The following WAPL variants were observed in gnomAD, a reference collection of about 807,000 sequenced individuals.
WAPL encodes wings apart-like protein homolog.
WAPL carries 5 observed loss-of-function variants against 121.0 expected under a neutral mutation model. That is an observed-to-expected ratio of 0.04 (90% CI 0.02 to 0.09). WAPL has a LOEUF of 0.09. Among genes scored for constraint, WAPL ranks in the 10% least tolerant of loss-of-function variants. WAPL has a pLI of 1.00. For synonymous variants in WAPL, 480 were observed against 481.5 expected (o/e 1.00, Z 0.04); for missense variants, 999 against 1,410.8 (o/e 0.71, Z 4.68).
intron 4 of WAPL, among the ~76,000 whole-genome samples, chr10:86,490,057 T>C (rs1190044768): frequency 6.6e-6 from 1 of 151,776 alleles, no homozygotes; most frequent in African/African-American, 2.4e-5. Context: ...CTACTAGAAA[T>C]ACAAAAATTA....
intron 2 of WAPL, among the ~76,000 whole-genome samples, chr10:86,510,151 T>C (rs1441589845): frequency 1.4e-5 from 2 of 141,060 alleles, no homozygotes; most frequent in African/African-American, 2.6e-5. Flanking sequence ...CTTGACTCAC[T>C]GCAACCTCTG....
At chr10:86,483,976 C>G (rs959476287) in intron 4 of WAPL, among the ~76,000 whole-genome samples, 2 of 151,220 alleles carry the variant, frequency 1.3e-5, no homozygotes, top group Non-Finnish European at 2.9e-5. Flanking sequence ...GCCTCAACTT[C>G]CCCAAGTGCC....
At chr10:86,470,199 AT>A (rs1457603403) in intron 8 of WAPL, among the ~76,000 whole-genome samples, 12 of 152,004 alleles carry the variant, frequency 7.9e-5, no homozygotes, top group Admixed American at 6.6e-4. Context: ...CACCCAGCTA[AT>A]TTTTTGTATT....
intron 8 of WAPL, among the ~76,000 whole-genome samples, chr10:86,467,963 C>A (rs1421038336): frequency 6.6e-6 from 1 of 152,054 alleles, no homozygotes; most frequent in African/African-American, 2.4e-5. Flanking sequence ...CAGGTGTGAG[C>A]CACCACGCCC....
At chr10:86,520,162 GC>G (rs1476855601) in intron 1 of WAPL, among the ~76,000 whole-genome samples, 2 of 152,112 alleles carry the variant, frequency 1.3e-5, no homozygotes, top group African/African-American at 4.8e-5. Context: ...GGGCGTGGTG[GC>G]GCATGCCTGT....
At chr10:86,441,202 GCCCAACCCCC>G (rs1355673535) in intron 17 of WAPL, among the ~76,000 whole-genome samples, 1 of 152,160 alleles carries the variant, frequency 6.6e-6, no homozygotes, top group East Asian at 1.9e-4. Context: ...ATCCACCTAT[GCCCAACCCCC>G]CATCTGAAAG....
Position 86,517,727 on chromosome 10 carries a change from C to T in WAPL, c.343G>A (p.Ala115Thr). ...ACCACATGACTAATTTTGCTATTAG[C>T]TTCAAGTACTGAAGTGACCTCTTCC... ...QLEEVTSVLE[A>T]NSKISHVVVE... Residue 115 changes from alanine (A) to threonine (T), a missense_variant, in exon 2 of 19, where the codon GCT becomes ACT. By Grantham distance (58) the Ala-to-Thr change is moderately conservative (BLOSUM62 0). Transcript: ENST00000298767. 2.5e-6 allele frequency: 4 copies of T among 1,614,156 alleles called. No individual in the cohort carries two copies. The highest frequency in any genetic ancestry group is 2.7e-5 in the African/African-American group (2 of 75,052).
At position 86,472,864 on chromosome 10, in the gene WAPL, A is replaced by C; in HGVS notation, c.1741-100T>G. 5.5e-6 allele frequency: 7 copies of C among 1,284,268 alleles called. No individual in the cohort carries two copies. The highest frequency in any genetic ancestry group is 7.3e-6 in the Non-Finnish European group (7 of 962,496). 79.6% of individuals were successfully genotyped at this position (1,284,268 alleles called of 1,614,324 possible). A position where few individuals can be genotyped will look rare whatever the true frequency, so the allele number is the denominator to read the frequency against. ...TTCAGCTTCAAAAAAAAGTAAATAA[A>C]GCTTTTTAAAAAGCAGGGAGCAGGG... On this transcript the variant is annotated intron_variant, in intron 5 of 18. Transcript: ENST00000298767. This position sits in a 1 kb window ranked among gnomAD's most constrained non-coding sequence, Gnocchi z 4.2.
intron 2 of WAPL, among the ~76,000 whole-genome samples, chr10:86,501,894 G>A (rs901424272): frequency 3.3e-5 from 5 of 152,244 alleles, no homozygotes; most frequent in South Asian, 4.1e-4. Context: ...GTCACACTAC[G>A]GTGCCTAGGC....
intron 4 of WAPL, among the ~76,000 whole-genome samples, chr10:86,491,413 A>AC (rs1245606296): frequency 1.3e-5 from 2 of 152,086 alleles, no homozygotes; most frequent in African/African-American, 2.4e-5. Context: ...TGCTAGGATT[A>AC]CAGGCGTGAG....
In WAPL at chr10:86,518,097, A is replaced by C; in HGVS notation, c.-22-6T>G. The C allele has an allele frequency of 6.3e-7, 1 of 1,590,418 alleles. No individual in the cohort carries two copies. The highest frequency in any genetic ancestry group is 8.6e-7 in the Non-Finnish European group (1 of 1,169,336). On this transcript the variant is annotated splice_region_variant and splice_polypyrimidine_tract_variant and intron_variant, in intron 1 of 18. Transcript: ENST00000298767. ...TGACACCAGTTTCATATTCTCTGTGAAAAAAAATTTAAGAAAACATATAAT... is the reference window on the plus strand; with the variant it reads ...TGACACCAGTTTCATATTCTCTGTGCAAAAAAATTTAAGAAAACATATAAT...
At chr10:86,506,081 A>C (rs1842343491) in intron 2 of WAPL, among the ~76,000 whole-genome samples, 1 of 152,170 alleles carries the variant, frequency 6.6e-6, no homozygotes, top group African/African-American at 2.4e-5. Flanking sequence ...TAAAATCAAA[A>C]AAAATTAGCT....
intron 17 of WAPL, among the ~76,000 whole-genome samples, chr10:86,440,141 G>C (rs1243260453): frequency 6.6e-6 from 1 of 152,064 alleles, no homozygotes; most frequent in East Asian, 1.9e-4. Flanking sequence ...GAATTAGCAT[G>C]GGAAAGATGG....
At chr10:86,508,838 T>A (rs974139648) in intron 2 of WAPL, among the ~76,000 whole-genome samples, 15 of 141,446 alleles carry the variant, frequency 1.1e-4, no homozygotes, top group African/African-American at 3.7e-4. Flanking sequence ...CACTGCAAGC[T>A]CCGCCTCCAG....
At chr10:86,482,830 G>A (rs1328115027) in intron 4 of WAPL, among the ~76,000 whole-genome samples, 1 of 152,168 alleles carries the variant, frequency 6.6e-6, no homozygotes, top group African/African-American at 2.4e-5. Flanking sequence ...CTGGCAGGTA[G>A]GGGAAATGGG....
intron 1 of WAPL, among the ~76,000 whole-genome samples, chr10:86,519,839 T>C (rs79858255): frequency 0.069 from 10,446 of 152,304 alleles, 663 homozygotes; most frequent in East Asian, 0.37. Flanking sequence ...CTAAAAATAC[T>C]AACCAAAGGC....
intron 2 of WAPL, among the ~76,000 whole-genome samples, chr10:86,516,246 G>A (rs1038352410): frequency 1.3e-5 from 2 of 152,128 alleles, no homozygotes; most frequent in African/African-American, 2.4e-5. Context: ...GGCAAAGCAG[G>A]AAGGACAGCC....
chr10:86,492,374 TA>T (rs1286812351), intron 4 of WAPL, among the ~76,000 whole-genome samples: 2 of 152,118 alleles, frequency 1.3e-5, no homozygotes, highest in African/African-American at 4.8e-5. Flanking sequence ...GAAAATGAGG[TA>T]AGACAATAAT....
rs766676596 is a variant in WAPL at position 86,467,523 on chromosome 10, A to G, written c.2143-17T>C. 1.3e-6 allele frequency: 2 copies of G among 1,575,116 alleles called. No individual in the cohort carries two copies. Among genetic ancestry groups the G allele is most frequent in the Non-Finnish European group, 1.7e-6 (2 of 1,163,800 alleles). Reference sequence around the variant, plus strand: ...GGACAGATTCTTCAACAGGCCAAAAAAAGAAAAGAAAAAAAACTTCATGTA... The same window carrying G: ...GGACAGATTCTTCAACAGGCCAAAAGAAGAAAAGAAAAAAAACTTCATGTA... On this transcript the variant is annotated splice_polypyrimidine_tract_variant and intron_variant, in intron 8 of 18. Coordinates refer to ENST00000298767, the MANE Select transcript of WAPL (RefSeq NM_015045.5).
Sources: gnomAD v4.1 joint callset for allele counts (sites outside exome capture counted in the v4.1 genomes callset) on GRCh38, gnomAD v4.1.1 for gene constraint, Gnocchi (gnomAD v3.1) non-coding constraint, MANE v1.5 for transcripts, NCBI Gene and HGNC (gene_info 2026-07-23, HGNC 2026-07-21) for gene names.